PDK3: variants seen among roughly 807,000 people sequenced by gnomAD.
PDK3 encodes pyruvate dehydrogenase kinase, isozyme 3.
A neutral mutation model predicts 32.0 loss-of-function variants in PDK3; 12 were observed. That is an observed-to-expected ratio of 0.37 (90% CI 0.24 to 0.61). The LOEUF (loss-of-function observed/expected upper bound fraction) is 0.61. PDK3 is among the 20% of genes least tolerant of loss of function. PDK3 has a pLI of 0.65. For synonymous variants in PDK3, 122 were observed against 116.3 expected, an observed-to-expected ratio of 1.05 and a Z score of -0.31; for missense variants, 188 against 316.9, an observed-to-expected ratio of 0.59 and a Z score of 3.09.
chrX:24,478,457 CACAA>C (rs752953000), intron 1 of PDK3, among the ~76,000 whole-genome samples: 17 of 111,481 alleles, frequency 1.5e-4, no homozygotes, highest in African/African-American at 5.2e-4. Context: ...GAGACTCTGT[CACAA>C]ACAAACAAAC....
intron 3 of PDK3, among the ~76,000 whole-genome samples, chrX:24,502,845 A>C (rs887890523): frequency 8.9e-6 from 1 of 111,886 alleles, no homozygotes; most frequent in Non-Finnish European, 1.9e-5. Context: ...CTCCGTCAAA[A>C]GAACAAACAA....
chrX:24,547,264 G>A (rs930441555), exon 12 of PDK3: 18 of 112,164 alleles, frequency 1.6e-4, no homozygotes, highest in African/African-American at 5.5e-4. Context: ...TGGTAATACC[G>A]GATCCAGGAA....
At chrX:24,542,034 T>G (rs1922904242) in exon 12 of PDK3, among the ~76,000 whole-genome samples, 1 of 112,171 alleles carries the variant, frequency 8.9e-6, no homozygotes, top group African/African-American at 3.2e-5. Flanking sequence ...TGTCAGACAT[T>G]TTCCTTGGGT....
chrX:24,540,283 A>C, exon 12 of PDK3, among the ~76,000 whole-genome samples: 1 of 112,102 alleles, frequency 8.9e-6, no homozygotes, highest in East Asian at 2.8e-4. Context: ...TGAAACCAGC[A>C]TCCTATATAC....
chrX:24,494,722 C>T lies in PDK3; in HGVS notation c.107-20C>T, dbSNP rs1921658945. 8.7e-7 allele frequency: 1 copy of T among 1,150,973 alleles called. No homozygotes were observed. Among genetic ancestry groups the T allele is most frequent in the Non-Finnish European group, 1.2e-6 (1 of 850,738 alleles). The allele number at this position is 1,150,973 out of a possible 1,213,427, so 94.9% of individuals were successfully genotyped here. A position where few individuals can be genotyped will look rare whatever the true frequency, so the allele number is the denominator to read the frequency against. The stretch of plus-strand genomic sequence containing the variant: ...TCTGTTAGACTATAAAATCATGGAA[C>T]ATTTTTCATGTCTTAATAGGGAGAG... On this transcript the variant is annotated intron_variant, in intron 1 of 10. Transcript: ENST00000379162.
chrX:24,545,520 C>T (rs1182656095), exon 12 of PDK3: 6 of 111,713 alleles, frequency 5.4e-5, no homozygotes, highest in African/African-American at 2.0e-4. Context: ...CATCCGGCAG[C>T]AAGCTTTCGT....
chrX:24,546,653 G>GAC lies in PDK3; in HGVS notation c.*7493_*7494dup, dbSNP rs1336861750. ...GCCAGGACACTGTTACTTTGTGTGT[G>GAC]ACACAGGTGGCTCCTCATGACAGTT... is the stretch of plus-strand genomic sequence containing the variant. On this transcript the variant is annotated 3_prime_UTR_variant, in exon 12 of 12. Coordinates refer to the PDK3 transcript ENST00000568479. The GAC allele has an allele frequency of 2.7e-5, 3 of 112,102 alleles. No homozygotes were observed. The East Asian group carries it at 8.5e-4, about 32-fold the overall frequency. 9.2% of individuals were successfully genotyped at this position (112,102 alleles called of 1,213,427 possible). A position where few individuals can be genotyped will look rare whatever the true frequency, so the allele number is the denominator to read the frequency against.
chrX:24,485,700 C>G (rs1047483988), intron 1 of PDK3, among the ~76,000 whole-genome samples: 6 of 111,946 alleles, frequency 5.4e-5, no homozygotes, highest in African/African-American at 2.0e-4. Flanking sequence ...TCTAAAGACA[C>G]TGATGGAACT....
At position 24,485,968 on chromosome X, in the gene PDK3, A is replaced by G. The variant is rs192271433; in HGVS notation, c.107-8774A>G. ...GACAAAATCTGACTGGCCATAAAAG[A>G]GTGCTTTAAAATATAATTTAGCAAT... On this transcript the variant is annotated intron_variant, in intron 1 of 10. Transcript: ENST00000379162. 3.6e-5 allele frequency among the ~76,000 whole-genome samples: 4 copies of G among 112,213 alleles called. No homozygotes were observed. In the Admixed American group the frequency reaches 3.8e-4, roughly 11 times the overall value.
chrX:24,517,931 TACTG>T (rs1040616890), intron 5 of PDK3, among the ~76,000 whole-genome samples: 4 of 112,169 alleles, frequency 3.6e-5, no homozygotes, highest in African/African-American at 1.3e-4. Context: ...AGCAAATACT[TACTG>T]AGGTTTCACT....
At chrX:24,513,922 C>A (rs1922189229) in intron 5 of PDK3, among the ~76,000 whole-genome samples, 1 of 111,913 alleles carries the variant, frequency 8.9e-6, no homozygotes, top group Non-Finnish European at 1.9e-5. Flanking sequence ...TTTTGTGACA[C>A]TGGCTTCTTA....
At chrX:24,529,709 A>C (rs1369299092) in intron 9 of PDK3, among the ~76,000 whole-genome samples, 1 of 107,413 alleles carries the variant, frequency 9.3e-6, no homozygotes, top group Non-Finnish European at 1.9e-5. Context: ...CAGTGAGCCT[A>C]TATCATGCCA....
intron 9 of PDK3, among the ~76,000 whole-genome samples, chrX:24,529,221 T>C (rs1479685057): frequency 1.8e-5 from 2 of 111,900 alleles, no homozygotes; most frequent in Non-Finnish European, 3.8e-5. Context: ...AAAAGAAATA[T>C]AGATTGTCTC....
chrX:24,533,698 G>A (rs191829148), intron 10 of PDK3, among the ~76,000 whole-genome samples: 10 of 111,677 alleles, frequency 9.0e-5, no homozygotes, highest in Non-Finnish European at 1.5e-4. Flanking sequence ...TTTTGTTCTG[G>A]TCATGTGTAT....
At chrX:24,537,846 G>C (rs954232881), downstream of PDK3, among the ~76,000 whole-genome samples, 4 of 112,018 alleles carry the variant, frequency 3.6e-5, no homozygotes, top group African/African-American at 1.3e-4. Context: ...AATATTGCTG[G>C]ACTGGCCACT....
chrX:24,542,636 T>G (rs1353876051), exon 12 of PDK3, among the ~76,000 whole-genome samples: 1 of 112,479 alleles, frequency 8.9e-6, no homozygotes, highest in Non-Finnish European at 1.9e-5. Flanking sequence ...TTTGGCATAG[T>G]TAGAGGAGAT....
chrX:24,514,264 T>C (rs1016073557), intron 5 of PDK3, among the ~76,000 whole-genome samples: 1 of 112,307 alleles, frequency 8.9e-6, no homozygotes, highest in Non-Finnish European at 1.9e-5. Context: ...TTTTAAAATT[T>C]TAGTCTAATG....
chrX:24,496,984 G>C, intron 2 of PDK3, among the ~76,000 whole-genome samples: 1 of 107,764 alleles, frequency 9.3e-6, no homozygotes, highest in Non-Finnish European at 1.9e-5. Context: ...GTTTCACTGT[G>C]TTAGCCAGGT....
chrX:24,533,800 A>G, intron 10 of PDK3, 129 bp from the exon 11 acceptor site: 1 of 718,420 alleles, frequency 1.4e-6, no homozygotes, highest in Non-Finnish European at 1.9e-6. Context: ...ACTAAGGTGT[A>G]ATTTTAATAT....
Sources: gnomAD v4.1 joint callset for allele counts (sites outside exome capture counted in the v4.1 genomes callset) on GRCh38, gnomAD v4.1.1 for gene constraint, MANE v1.5 for transcripts, NCBI Gene and HGNC (gene_info 2026-07-23, HGNC 2026-07-21) for gene names.